The following CEP128 variants were observed in gnomAD, a reference collection of about 807,000 sequenced individuals.
CEP128 encodes centrosomal protein 128.
A neutral mutation model predicts 156.7 loss-of-function variants in CEP128; 132 were observed. The observed-to-expected ratio is 0.84, with a 90% confidence interval of 0.73 to 0.97. CEP128 has a LOEUF of 0.97. Among genes scored for constraint, CEP128 ranks in the 50% least tolerant of loss-of-function variants. The pLI, the probability that CEP128 is intolerant of heterozygous loss-of-function variation, is 0.00. For missense variants in CEP128, 1,252 were observed against 1,281.9 expected, an observed-to-expected ratio of 0.98 and a Z score of 0.36; for synonymous variants, 469 against 448.9, an observed-to-expected ratio of 1.04 and a Z score of -0.57.
intron 16 of CEP128, among the ~76,000 whole-genome samples, chr14:80,763,522 A>G (rs549145450): frequency 6.6e-6 from 1 of 152,268 alleles, no homozygotes; most frequent in African/African-American, 2.4e-5. Flanking sequence ...CTGTGTATCT[A>G]CCACCTATAC....
intron 19 of CEP128, among the ~76,000 whole-genome samples, chr14:80,673,374 T>C (rs1895919428): frequency 6.6e-6 from 1 of 152,058 alleles, no homozygotes; most frequent in Admixed American, 6.6e-5. Flanking sequence ...CCGGGCGCGG[T>C]GGCTCACGCC....
intron 19 of CEP128, among the ~76,000 whole-genome samples, chr14:80,639,863 T>C (rs984691392): frequency 2.6e-5 from 4 of 152,258 alleles, no homozygotes; most frequent in South Asian, 2.1e-4. Context: ...GCTGTCAAAT[T>C]TGAAGAACAA....
At chr14:80,917,125 A>G (rs1008532501) in intron 2 of CEP128, among the ~76,000 whole-genome samples, 4 of 152,242 alleles carry the variant, frequency 2.6e-5, no homozygotes, top group African/African-American at 9.6e-5. Flanking sequence ...TTCTACAATA[A>G]CAGATACATG....
downstream of CEP128, among the ~76,000 whole-genome samples, chr14:80,485,593 T>G (rs1311361131): frequency 6.6e-6 from 1 of 151,580 alleles, no homozygotes; most frequent in Non-Finnish European, 1.5e-5. Flanking sequence ...AGTAAAGAAA[T>G]TATACTGAAA....
chr14:80,787,326 C>T (rs35842427), intron 14 of CEP128, among the ~76,000 whole-genome samples: 14,809 of 152,038 alleles, frequency 0.097, 1,205 homozygotes, highest in East Asian at 0.43. Context: ...AGCTTTTGGT[C>T]AGCGATTATT....
At chr14:80,936,915 A>G (rs1003623552) in intron 2 of CEP128, among the ~76,000 whole-genome samples, 2 of 152,176 alleles carry the variant, frequency 1.3e-5, no homozygotes, top group African/African-American at 4.8e-5. Context: ...TATTAACTAT[A>G]AAAACTACAT....
chr14:80,636,319 C>T (rs1894179019), intron 19 of CEP128, among the ~76,000 whole-genome samples: 1 of 152,320 alleles, frequency 6.6e-6, no homozygotes, highest in Middle Eastern at 3.4e-3. Flanking sequence ...CCTGCGCTCA[C>T]TCAACATCAT....
chr14:80,492,069 G>C (rs1272186849), downstream of CEP128, among the ~76,000 whole-genome samples: 1 of 152,154 alleles, frequency 6.6e-6, no homozygotes, highest in Non-Finnish European at 1.5e-5. Context: ...TCTGATAATA[G>C]CTGGCTTCAA....
At chr14:80,603,229 T>G (rs777616887) in intron 19 of CEP128, among the ~76,000 whole-genome samples, 1 of 152,182 alleles carries the variant, frequency 6.6e-6, no homozygotes, top group Non-Finnish European at 1.5e-5. Context: ...AAATGATGAA[T>G]AGATAAACAA....
At chr14:80,514,004 A>T (rs888427067) in intron 23 of CEP128, among the ~76,000 whole-genome samples, 16 of 152,172 alleles carry the variant, frequency 1.1e-4, no homozygotes, top group Non-Finnish European at 4.4e-5. Context: ...TATTGTCTCT[A>T]AGGGCAGCCA....
intron 23 of CEP128, among the ~76,000 whole-genome samples, chr14:80,512,305 C>T (rs770829917): frequency 6.6e-6 from 1 of 151,946 alleles, no homozygotes; most frequent in Non-Finnish European, 1.5e-5. Context: ...CCTGAATGCA[C>T]CCCTTTATCA....
At chr14:80,634,514 T>C (rs530133024) in intron 19 of CEP128, among the ~76,000 whole-genome samples, 70 of 152,344 alleles carry the variant, frequency 4.6e-4, no homozygotes, top group African/African-American at 1.3e-3. Context: ...GAATATATTT[T>C]TCAATATTTT....
chr14:80,479,299 A>G (rs1191499420), intron 14 of CEP128, among the ~76,000 whole-genome samples: 2 of 152,202 alleles, frequency 1.3e-5, no homozygotes, highest in Non-Finnish European at 2.9e-5. Context: ...TATTGAATAA[A>G]ACATTGAAAA....
intron 18 of CEP128, among the ~76,000 whole-genome samples, chr14:80,744,971 G>A (rs574875074): frequency 2.0e-5 from 3 of 152,236 alleles, no homozygotes; most frequent in South Asian, 2.1e-4. Flanking sequence ...TGAAATCCTC[G>A]AGAAAATACT....
intron 21 of CEP128, among the ~76,000 whole-genome samples, chr14:80,546,597 T>TA (rs1889995178): frequency 6.6e-6 from 1 of 152,212 alleles, no homozygotes; most frequent in African/African-American, 2.4e-5. Flanking sequence ...AGAATCCACA[T>TA]ACTTTAAGTC....
At chr14:80,694,037 C>T (rs1402277181) in intron 19 of CEP128, among the ~76,000 whole-genome samples, 1 of 152,030 alleles carries the variant, frequency 6.6e-6, no homozygotes, top group African/African-American at 2.4e-5. Flanking sequence ...TACATGACAT[C>T]AGTTTAAAAC....
chr14:80,761,105 G>A (rs77984338), intron 17 of CEP128, among the ~76,000 whole-genome samples: 32 of 151,894 alleles, frequency 2.1e-4, no homozygotes, highest in African/African-American at 6.5e-4. Context: ...GATGTTAGCC[G>A]GTAATATACC....
Position 80,933,089 on chromosome 14 carries a change from T to C in CEP128, c.-16+6296A>G, listed in dbSNP as rs551035978. Among the ~76,000 whole-genome samples the C allele has an allele frequency of 4.6e-5, 7 of 152,212 alleles. No homozygotes were observed. In the South Asian group the frequency reaches 1.5e-3, roughly 32 times the overall value. On this transcript the variant is annotated intron_variant, in intron 2 of 24. Transcript: ENST00000555265. ...ATCAAGTTTCAGTAGCCCCACCCCC[T>C]ACTCAGATTCTTACTGAATCTGACA...
chr14:80,836,557 C>A (rs542467445), intron 11 of CEP128, among the ~76,000 whole-genome samples: 1 of 151,666 alleles, frequency 6.6e-6, no homozygotes, highest in Non-Finnish European at 1.5e-5. Flanking sequence ...TGGAATGTGA[C>A]TAGATTTTTT....
Sources: allele counts gnomAD v4.1 joint callset (sites outside exome capture counted in the v4.1 genomes callset), GRCh38; gene constraint gnomAD v4.1.1; transcripts MANE v1.5; gene names NCBI Gene and HGNC (gene_info 2026-07-23, HGNC 2026-07-21).